The following UBAC1 variants were observed in gnomAD, a reference collection of about 807,000 sequenced individuals.
UBAC1 encodes the protein ubiquitin-associated domain-containing protein 1.
Under a neutral mutation model 45.9 loss-of-function variants are expected in UBAC1, and 27 were observed. The ratio of observed to expected loss-of-function variants is 0.59; its 90% CI spans 0.43 to 0.81. UBAC1 has a LOEUF of 0.81. Ranked by LOEUF, UBAC1 falls within the 30% of genes least tolerant of loss-of-function variation. UBAC1 has a pLI of 0.00. For synonymous variants in UBAC1, 227 were observed against 215.5 expected, an observed-to-expected ratio of 1.05 and a Z score of -0.47; for missense variants, 529 against 539.2, an observed-to-expected ratio of 0.98 and a Z score of 0.19.
intron 6 of UBAC1, chr9:135,945,503 G>A (rs375525870): frequency 3.7e-5 from 19 of 519,850 alleles, no homozygotes; most frequent in East Asian, 3.1e-4. Context: ...GATATCTGCT[G>A]AGGGCTTAGA....
rs1194764083 is a variant in UBAC1, at chr9:135,933,335, TCTGCCCGGTCTCGGGCCGCA to T, written c.*45_*64del. 3.6e-6 allele frequency: 5 copies of T among 1,405,572 alleles called. No individual in the cohort carries two copies. Among genetic ancestry groups the T allele is most frequent in the Non-Finnish European group, 5.0e-6 (5 of 992,454 alleles). 87.1% of individuals were successfully genotyped at this position (1,405,572 alleles called of 1,614,324 possible). A position where few individuals can be genotyped will look rare whatever the true frequency, so the allele number is the denominator to read the frequency against. ...AGGTGAGTTTCCAGGTGAGGTCCAC[TCTGCCCGGTCTCGGGCCGCA>T]CCAGGGGGCTGCTGTGGCCTGATAG... On this transcript the variant is annotated 3_prime_UTR_variant, in exon 10 of 10. Coordinates refer to ENST00000371756, the MANE Select transcript of UBAC1 (RefSeq NM_016172.3).
chr9:135,939,832 G>A (rs1839247683), intron 7 of UBAC1, 73 bp from the exon 8 acceptor site: 3 of 1,352,142 alleles, frequency 2.2e-6, no homozygotes, highest in Non-Finnish European at 3.1e-6. Context: ...GCGTGCAGAG[G>A]GGCCCGCTCC....
chr9:135,945,012 G>A lies in UBAC1; in HGVS notation c.876+16C>T. On this transcript the variant is annotated intron_variant, in intron 7 of 9. Transcript: ENST00000371756. ...ACACAGCGACTCTGCCTGGCGACAG[G>A]TCTAGTAACACATACCCGAGCATCA... is the stretch of plus-strand genomic sequence containing the variant. 6.2e-7 allele frequency: 1 copy of A among 1,610,014 alleles called. No homozygotes were observed. Among genetic ancestry groups the A allele is most frequent in the Non-Finnish European group, 8.5e-7 (1 of 1,177,674 alleles).
At chr9:135,933,675 C>G (rs931451766) in intron 9 of UBAC1, among the ~76,000 whole-genome samples, 160 bp from the exon 10 acceptor site, 19 of 152,206 alleles carry the variant, frequency 1.2e-4, no homozygotes, top group Non-Finnish European at 5.9e-5. Context: ...CAGGCTGAAA[C>G]CCACCCAACT....
At chr9:135,939,830 A>AG in intron 7 of UBAC1, 71 bp from the exon 8 acceptor site, 1 of 1,366,140 alleles carries the variant, frequency 7.3e-7, no homozygotes, top group South Asian at 1.2e-5. Context: ...CTGCGTGCAG[A>AG]GGGGCCCGCT....
At chr9:135,948,511 G>A (rs1032533445) in intron 3 of UBAC1, among the ~76,000 whole-genome samples, 1 of 152,264 alleles carries the variant, frequency 6.6e-6, no homozygotes, top group Admixed American at 6.5e-5. Context: ...AGCCTCAGGA[G>A]CTAGCGCTCC....
At chr9:135,954,080 ACTGAGCCAAGATTGCACCACTG>A (rs1839437404) in intron 2 of UBAC1, among the ~76,000 whole-genome samples, 1 of 151,232 alleles carries the variant, frequency 6.6e-6, no homozygotes, top group South Asian at 2.1e-4. Flanking sequence ...CGGAGGTTGC[ACTGAGCCAAGATTGCACCACTG>A]CACTCCAGCC....
chr9:135,946,001 C>G lies in UBAC1; in HGVS notation c.545-4G>C. The G allele has an allele frequency of 6.2e-7, 1 of 1,613,038 alleles. No individual in the cohort carries two copies. Among genetic ancestry groups the G allele is most frequent in the East Asian group, 2.2e-5 (1 of 44,890 alleles). ...TCCTCGTCCTCGTCCAGCATTGCTG[C>G]AGGGAGACGACAGGGCCATGAGGGC... On this transcript the variant is annotated splice_polypyrimidine_tract_variant and splice_region_variant and intron_variant, in intron 5 of 9. Transcript: ENST00000371756.
In UBAC1 at chr9:135,961,294, G is replaced by C. The variant is rs1331936138; in HGVS notation, c.-132C>G. The C allele has an allele frequency of 2.5e-6, 2 of 784,808 alleles. No individual in the cohort carries two copies. Among genetic ancestry groups the C allele is most frequent in the East Asian group, 7.5e-5 (1 of 13,276 alleles). The allele number at this position is 784,808 out of a possible 1,614,324, so 48.6% of individuals were successfully genotyped here. Reference sequence around the variant, plus strand: ...GGGCCGCCGCCCCGCCCCGGCTCCCGTCGGCCGGGCCGCCGTCACTCTCCG... The same window carrying C: ...GGGCCGCCGCCCCGCCCCGGCTCCCCTCGGCCGGGCCGCCGTCACTCTCCG... On this transcript the variant is annotated 5_prime_UTR_variant, in exon 1 of 10. Transcript: ENST00000371756.
intron 3 of UBAC1, among the ~76,000 whole-genome samples, chr9:135,948,895 C>A (rs1033410489): frequency 5.9e-5 from 9 of 152,034 alleles, no homozygotes; most frequent in African/African-American, 7.2e-5. Flanking sequence ...CATGGTGAAA[C>A]CCCATCTCTA....
intron 9 of UBAC1, among the ~76,000 whole-genome samples, chr9:135,936,013 G>A (rs1205135360): frequency 2.7e-5 from 4 of 145,518 alleles, no homozygotes; most frequent in South Asian, 4.4e-4. Context: ...GTGACAGAGC[G>A]AGATTCCATC....
chr9:135,935,951 G>C (rs144137856), intron 9 of UBAC1, among the ~76,000 whole-genome samples: 1 of 150,830 alleles, frequency 6.6e-6, no homozygotes, highest in Non-Finnish European at 1.5e-5. Flanking sequence ...GCGTGAACCC[G>C]GTAGGCGGAG....
Position 135,961,333 on chromosome 9 carries a change from C to A in UBAC1, c.-171G>T. On this transcript the variant is annotated 5_prime_UTR_variant, in exon 1 of 10. Coordinates refer to ENST00000371756, the MANE Select transcript of UBAC1 (RefSeq NM_016172.3). ...CGTCACTCTCCGCGGCCTCAGCGGT[C>A]GCCTCGCTCCCGCCGCCGCAGCAGC... is the stretch of plus-strand genomic sequence containing the variant. The A allele has an allele frequency of 1.1e-5, 4 of 372,026 alleles. No homozygotes were observed. In the South Asian group the frequency reaches 4.3e-4, roughly 40 times the overall value. The allele number at this position is 372,026 out of a possible 1,614,324, so 23.0% of individuals were successfully genotyped here.
chr9:135,935,466 C>T (rs116458245), intron 9 of UBAC1, among the ~76,000 whole-genome samples: 15 of 152,134 alleles, frequency 9.9e-5, no homozygotes, highest in African/African-American at 1.4e-4. Context: ...AGCAAAAAAA[C>T]GAGACCCCAT....
chr9:135,955,987 G>A (rs938512733), intron 1 of UBAC1, among the ~76,000 whole-genome samples: 6 of 152,144 alleles, frequency 3.9e-5, no homozygotes, highest in East Asian at 1.9e-4. Context: ...GACTGCTCTC[G>A]GCGTGGCCCA....
chr9:135,953,190 C>T (rs992510635), intron 3 of UBAC1, among the ~76,000 whole-genome samples: 3 of 152,196 alleles, frequency 2.0e-5, no homozygotes, highest in African/African-American at 7.2e-5. Flanking sequence ...AGGACTGACA[C>T]GGATTAAACA....
At chr9:135,949,785 G>GTGTGGCT (rs1357220858) in intron 3 of UBAC1, among the ~76,000 whole-genome samples, 32 of 152,378 alleles carry the variant, frequency 2.1e-4, no homozygotes, top group Middle Eastern at 3.4e-3. Flanking sequence ...AGCATGAGCA[G>GTGTGGCT]GACACAGTCC....
intron 8 of UBAC1, among the ~76,000 whole-genome samples, chr9:135,939,065 A>G (rs151083447): frequency 0.031 from 4,767 of 152,070 alleles, 87 homozygotes; most frequent in African/African-American, 0.05. Flanking sequence ...AGCCGGGCAT[A>G]GTGGTGCATG....
At chr9:135,935,081 G>A (rs934213340) in intron 9 of UBAC1, among the ~76,000 whole-genome samples, 1 of 152,054 alleles carries the variant, frequency 6.6e-6, no homozygotes, top group South Asian at 2.1e-4. Flanking sequence ...TTTTTTAGTA[G>A]AGAGGAGGTC....
Sources: allele counts gnomAD v4.1 joint callset (sites outside exome capture counted in the v4.1 genomes callset), GRCh38; gene constraint gnomAD v4.1.1; transcripts MANE v1.5; gene names NCBI Gene and HGNC (gene_info 2026-07-23, HGNC 2026-07-21).